Variants in FAM193A observed in about 807,000 individuals in gnomAD.
FAM193A encodes protein FAM193A.
FAM193A carries 22 observed loss-of-function variants against 126.5 expected under a neutral mutation model. That is an observed-to-expected ratio of 0.17 (90% CI 0.12 to 0.25). The LOEUF (loss-of-function observed/expected upper bound fraction) is 0.25, where lower values mean the gene tolerates loss of function less well. Ranked by LOEUF, FAM193A falls within the 10% of genes least tolerant of loss-of-function variation. FAM193A has a pLI of 1.00. For missense variants in FAM193A, 1,675 were observed against 1,672.8 expected (o/e 1.00, Z -0.02); for synonymous variants, 761 against 646.8 (o/e 1.18, Z -2.68).
chr4:2,548,135 G>A (rs1041748196), intron 1 of FAM193A, among the ~76,000 whole-genome samples: 5 of 147,258 alleles, frequency 3.4e-5, no homozygotes, highest in Non-Finnish European at 7.4e-5. Flanking sequence ...GCAGTGGCAC[G>A]ATCTCGGCTC....
chr4:2,690,620 A>G lies in FAM193A; in HGVS notation c.2531-78A>G, dbSNP rs981129409. ...GTAGCACCCCCAGTATCAAGTGTTC[A>G]GTCATCAGCATGTCTTTTAGGGTTT... On this transcript the variant is annotated intron_variant, in intron 14 of 20. Transcript: ENST00000637812. The G allele has an allele frequency of 3.0e-6, 4 of 1,324,236 alleles. No homozygotes were observed. The African/African-American group carries it at 4.4e-5, about 15-fold the overall frequency. The allele number at this position is 1,324,236 out of a possible 1,614,324, so 82.0% of individuals were successfully genotyped here.
intron 1 of FAM193A, among the ~76,000 whole-genome samples, chr4:2,571,672 C>T (rs1251408422): frequency 7.9e-5 from 12 of 151,516 alleles, no homozygotes; most frequent in South Asian, 2.1e-4. Flanking sequence ...TCCCAAGTAG[C>T]GGGATTACAG....
intron 2 of FAM193A, among the ~76,000 whole-genome samples, chr4:2,597,352 G>GT (rs1025012611): frequency 8.6e-5 from 13 of 151,948 alleles, no homozygotes; most frequent in Admixed American, 2.0e-4. Flanking sequence ...TTTTTTGTTT[G>GT]TTTTTTTACC....
rs560698544 is a variant in FAM193A, at chr4:2,588,791, T to G, written c.256-7293T>G. Among the ~76,000 whole-genome samples, 11 of 152,332 alleles carry G rather than the reference T, an allele frequency of 7.2e-5. No homozygotes were observed. In the South Asian group the frequency reaches 2.3e-3, roughly 32 times the overall value. On this transcript the variant is annotated intron_variant, in intron 1 of 20. Transcript: ENST00000637812. ...GCAAAATGACTGGTTACTGTGATTT[T>G]TCAGGACCTTCAGAGATTGAAGGGT... is the stretch of plus-strand genomic sequence containing the variant.
chr4:2,704,974 C>G (rs891338269), intron 19 of FAM193A, among the ~76,000 whole-genome samples: 1 of 152,130 alleles, frequency 6.6e-6, no homozygotes, highest in Non-Finnish European at 1.5e-5. Context: ...TGCAGTGGCG[C>G]GATCTCGGCT....
At chr4:2,554,787 G>A (rs1367433929) in intron 1 of FAM193A, among the ~76,000 whole-genome samples, 1 of 152,074 alleles carries the variant, frequency 6.6e-6, no homozygotes, top group African/African-American at 2.4e-5. Flanking sequence ...GGATTGTTAG[G>A]TCTTGGTGAA....
At chr4:2,628,988 G>T (rs1238404540) in intron 4 of FAM193A, among the ~76,000 whole-genome samples, 3 of 152,070 alleles carry the variant, frequency 2.0e-5, no homozygotes, top group African/African-American at 7.2e-5. Flanking sequence ...GAGTAGCTGG[G>T]ACTACAGGCG....
intron 2 of FAM193A, among the ~76,000 whole-genome samples, chr4:2,618,253 C>T (rs1742325366): frequency 6.6e-6 from 1 of 152,112 alleles, no homozygotes; most frequent in Non-Finnish European, 1.5e-5. Context: ...GTTAATTGAG[C>T]TTGCAGTGAG....
chr4:2,590,251 C>T (rs1256369977), intron 1 of FAM193A, among the ~76,000 whole-genome samples: 3 of 151,600 alleles, frequency 2.0e-5, no homozygotes, highest in Middle Eastern at 3.4e-3. Flanking sequence ...GCGGGCAGAT[C>T]ACGAGGTCAG....
chr4:2,538,352 C>T (rs1737016091), intron 1 of FAM193A, among the ~76,000 whole-genome samples: 2 of 152,192 alleles, frequency 1.3e-5, no homozygotes, highest in East Asian at 3.9e-4. Flanking sequence ...CAGGCATGCG[C>T]CACCATGCCC....
chr4:2,659,531 A>G (rs370656971), intron 8 of FAM193A, 27 bp from the exon 9 acceptor site: 2 of 1,513,494 alleles, frequency 1.3e-6, no homozygotes, highest in East Asian at 2.3e-5. Flanking sequence ...GTCTTGCAAG[A>G]TTAAAGCATT....
intron 13 of FAM193A, among the ~76,000 whole-genome samples, chr4:2,680,141 G>A (rs1292304817): frequency 1.3e-5 from 2 of 152,242 alleles, no homozygotes; most frequent in East Asian, 1.9e-4. Flanking sequence ...GATTACAGGC[G>A]TGAGCCACTG....
At chr4:2,634,924 C>T (rs1408177014) in intron 5 of FAM193A, among the ~76,000 whole-genome samples, 1 of 152,192 alleles carries the variant, frequency 6.6e-6, no homozygotes, top group Non-Finnish European at 1.5e-5. Context: ...CGCAGTTAAT[C>T]AGCATTTTGC....
chr4:2,542,182 A>C (rs1000290300), intron 1 of FAM193A, among the ~76,000 whole-genome samples: 2 of 151,998 alleles, frequency 1.3e-5, no homozygotes, highest in Non-Finnish European at 2.9e-5. Flanking sequence ...CACTTGGGTA[A>C]TTTTTGTATT....
At chr4:2,562,471 G>A (rs945009658) in intron 1 of FAM193A, among the ~76,000 whole-genome samples, 4 of 152,008 alleles carry the variant, frequency 2.6e-5, no homozygotes, top group Non-Finnish European at 5.9e-5. Flanking sequence ...AAATTTCGAC[G>A]ACTGCTCTTC....
At chr4:2,552,136 G>A (rs919090769) in intron 1 of FAM193A, among the ~76,000 whole-genome samples, 8 of 147,574 alleles carry the variant, frequency 5.4e-5, no homozygotes, top group African/African-American at 2.0e-4. Context: ...CTCAGCCTCC[G>A]GAGTAGCTGG....
chr4:2,649,887 C>G (rs1162879179), intron 7 of FAM193A, among the ~76,000 whole-genome samples: 1 of 152,156 alleles, frequency 6.6e-6, no homozygotes, highest in Non-Finnish European at 1.5e-5. Flanking sequence ...ATAGCCACTC[C>G]CTATTGCTTG....
At chr4:2,682,529 G>T (rs114662651) in intron 13 of FAM193A, among the ~76,000 whole-genome samples, 235 of 152,144 alleles carry the variant, frequency 1.5e-3, no homozygotes, top group African/African-American at 5.2e-3. Flanking sequence ...CATTTAAAGT[G>T]ATTTTTTGAT....
chr4:2,613,316 C>G (rs1255396866), intron 2 of FAM193A, among the ~76,000 whole-genome samples: 2 of 149,642 alleles, frequency 1.3e-5, no homozygotes, highest in African/African-American at 4.9e-5. Flanking sequence ...TATTTTCTTG[C>G]TATTTTAAAT....
Sources: allele counts gnomAD v4.1 joint callset (sites outside exome capture counted in the v4.1 genomes callset), GRCh38; gene constraint gnomAD v4.1.1; transcripts MANE v1.5; gene names NCBI Gene and HGNC (gene_info 2026-07-23, HGNC 2026-07-21).